The following KATNIP variants were observed in gnomAD, a reference collection of about 807,000 sequenced individuals.
The protein encoded by KATNIP is katanin-interacting protein.
Under a neutral mutation model 174.0 loss-of-function variants are expected in KATNIP, and 126 were observed. That is an observed-to-expected ratio of 0.72 (90% CI 0.63 to 0.84). The LOEUF is 0.84. KATNIP is among the 40% of genes least tolerant of loss of function. The pLI, the probability that KATNIP is intolerant of heterozygous loss-of-function variation, is 0.00. For missense variants in KATNIP, 1,958 were observed against 2,109.7 expected (o/e 0.93, Z 1.41); for synonymous variants, 810 against 835.7 (o/e 0.97, Z 0.53).
chr16:27,554,095 T>C (rs377663811), intron 1 of KATNIP, among the ~76,000 whole-genome samples: 23 of 152,046 alleles, frequency 1.5e-4, no homozygotes, highest in African/African-American at 3.6e-4. Flanking sequence ...GGAAGGTTTC[T>C]AGTACATTGT....
At chr16:27,693,349 G>T (rs889453110) in intron 8 of KATNIP, among the ~76,000 whole-genome samples, 27 of 152,172 alleles carry the variant, frequency 1.8e-4, no homozygotes, top group Non-Finnish European at 4.4e-5. Flanking sequence ...ATGATGACAA[G>T]AGACAGTACA....
chr16:27,643,590 CAAAAAA>C (rs562253355), intron 5 of KATNIP, among the ~76,000 whole-genome samples: 2 of 40,484 alleles, frequency 4.9e-5, no homozygotes, highest in African/African-American at 1.0e-4. Context: ...GACTCTGTCT[CAAAAAA>C]AAAAAAAAAA....
In KATNIP at chr16:27,609,873, G is replaced by A. The variant is rs182451833; in HGVS notation, c.64-8552G>A. ...TGCCCAGCTAATTTTTGTATTTTTA[G>A]TAGAGATGAGGTTTCACCATGTTGG... On this transcript the variant is annotated intron_variant, in intron 2 of 27. Coordinates refer to ENST00000261588, the MANE Select transcript of KATNIP (RefSeq NM_015202.5). 3.2e-3 allele frequency among the ~76,000 whole-genome samples: 492 copies of A among 152,218 alleles called. 9 individuals carry two copies. The highest frequency in any genetic ancestry group is 0.031 in the Admixed American group (469 of 15,278).
At chr16:27,657,753 T>C (rs2077346085) in intron 6 of KATNIP, among the ~76,000 whole-genome samples, 1 of 151,984 alleles carries the variant, frequency 6.6e-6, no homozygotes, top group African/African-American at 2.4e-5. Flanking sequence ...CTACTAAAAA[T>C]ACAAAAATTA....
At chr16:27,607,913 T>G (rs930673865) in intron 2 of KATNIP, among the ~76,000 whole-genome samples, 1 of 152,164 alleles carries the variant, frequency 6.6e-6, no homozygotes, top group African/African-American at 2.4e-5. Flanking sequence ...AAACAGTGGC[T>G]TCATGGTCTC....
intron 6 of KATNIP, among the ~76,000 whole-genome samples, chr16:27,660,791 G>A (rs566319550): frequency 3.9e-5 from 6 of 152,078 alleles, no homozygotes; most frequent in East Asian, 1.9e-4. Flanking sequence ...ACACACCACC[G>A]CATCCAGCTA....
chr16:27,558,810 ACAGCTCAATGGG>A (rs1286836957), intron 1 of KATNIP, among the ~76,000 whole-genome samples: 2 of 150,658 alleles, frequency 1.3e-5, no homozygotes, highest in African/African-American at 5.0e-5. Context: ...GATTCCTGAG[ACAGCTCAATGGG>A]ATACTGTGAT....
intron 6 of KATNIP, among the ~76,000 whole-genome samples, chr16:27,661,941 TATATATATATATATACACATAC>T (rs2077500530): frequency 1.5e-5 from 1 of 65,932 alleles, no homozygotes; most frequent in Non-Finnish European, 2.7e-5. Flanking sequence ...TATATATATA[TATATATATATATATACACATAC>T]ATATATATAT....
At chr16:27,577,618 GAAA>G (rs1296681267) in intron 2 of KATNIP, among the ~76,000 whole-genome samples, 2 of 152,190 alleles carry the variant, frequency 1.3e-5, no homozygotes, top group Non-Finnish European at 2.9e-5. Flanking sequence ...CTTGAACTCA[GAAA>G]GCGGAGGTTG....
intron 2 of KATNIP, among the ~76,000 whole-genome samples, chr16:27,607,188 G>T (rs1365816594): frequency 1.3e-5 from 2 of 152,162 alleles, no homozygotes; most frequent in Non-Finnish European, 2.9e-5. Flanking sequence ...CACGTGGACT[G>T]AGAGTGGACG....
At chr16:27,582,751 C>T (rs1487070619) in intron 2 of KATNIP, among the ~76,000 whole-genome samples, 1 of 152,162 alleles carries the variant, frequency 6.6e-6, no homozygotes, top group Non-Finnish European at 1.5e-5. Context: ...TTTCACAGGA[C>T]TGTGGCAAGG....
chr16:27,554,467 G>GA (rs2089526123), intron 1 of KATNIP, among the ~76,000 whole-genome samples: 1 of 151,668 alleles, frequency 6.6e-6, no homozygotes, highest in Admixed American at 6.6e-5. Context: ...TGTCTCAAAA[G>GA]AAAAAAAATT....
chr16:27,573,086 A>AT (rs2090366653), intron 1 of KATNIP, among the ~76,000 whole-genome samples: 1 of 152,120 alleles, frequency 6.6e-6, no homozygotes, highest in African/African-American at 2.4e-5. Context: ...GTCACTAAGC[A>AT]TTTTTTGCTT....
rs1452027108 is a variant in KATNIP, at chr16:27,779,735, TATATGC to T, written c.*1109_*1114del. The T allele has an allele frequency of 1.3e-5, 2 of 151,862 alleles. No individual in the cohort carries two copies. Among genetic ancestry groups the T allele is most frequent in the Non-Finnish European group, 2.9e-5 (2 of 68,020 alleles). The allele number at this position is 151,862 out of a possible 1,614,324, so 9.4% of individuals were successfully genotyped here. A position where few individuals can be genotyped will look rare whatever the true frequency, so the allele number is the denominator to read the frequency against. ...AGCCGAGTGAAGCCCAGAACGCATC[TATATGC>T]ATCGATGTAACAAGCTCGGATCAGG... On this transcript the variant is annotated 3_prime_UTR_variant, in exon 28 of 28. Transcript: ENST00000261588.
rs767268935 is a variant in KATNIP, at chr16:27,648,608, CTG to C, written c.416_417del (p.Val139AlafsTer20). On this transcript the variant is annotated frameshift_variant, in exon 6 of 28. Transcript: ENST00000261588. LOFTEE classifies it high-confidence loss of function. The stretch of plus-strand genomic sequence containing the variant: ...ATGGCCTGCATTTTTGTACAGAAAT[CTG>C]TGCAGATCAGAACAGAAGCTGGCCC... 4.3e-6 allele frequency: 7 copies of C among 1,613,958 alleles called. No homozygotes were observed. Among genetic ancestry groups the C allele is most frequent in the African/African-American group, 2.7e-5 (2 of 74,926 alleles).
chr16:27,619,196 C>G (rs2076127147), intron 3 of KATNIP, among the ~76,000 whole-genome samples: 1 of 152,128 alleles, frequency 6.6e-6, no homozygotes, highest in Admixed American at 6.6e-5. Flanking sequence ...GGAGCTGGCT[C>G]AGTGGAACAG....
chr16:27,649,181 T>C (rs535756238), intron 6 of KATNIP, among the ~76,000 whole-genome samples: 2 of 152,364 alleles, frequency 1.3e-5, no homozygotes, highest in East Asian at 3.9e-4. Flanking sequence ...CGTGTATACA[T>C]GCACCTGATA....
chr16:27,656,553 C>T lies in KATNIP; in HGVS notation c.540+7818C>T, dbSNP rs1218478323. ...TGGAACCAACCCAAATGTCCAACAA[C>T]GATAGACTGGATTAAGAAAATGTGG... On this transcript the variant is annotated intron_variant, in intron 6 of 27. Coordinates refer to ENST00000261588, the MANE Select transcript of KATNIP (RefSeq NM_015202.5). 4.7e-5 allele frequency among the ~76,000 whole-genome samples: 7 copies of T among 150,198 alleles called. No individual in the cohort carries two copies. In the South Asian group the frequency reaches 6.3e-4, roughly 14 times the overall value.
Position 27,703,983 on chromosome 16 carries a change from A to T in KATNIP, c.1374A>T (p.Gln458His). ...GGGTGGTTTCACCAACCAAGGAGCA[A>T]GTATCAGACACAGAGGTGAGAGCCT... The part of the protein sequence containing the change: ...LGRVVSPTKE[Q>H]VSDTEDKQRM... The change falls in exon 12 of 28, where the codon CAA becomes CAT. Residue 458 changes from glutamine to histidine, a missense_variant. Gln to His is a conservative substitution (Grantham distance 24, BLOSUM62 0). Coordinates refer to ENST00000261588, the MANE Select transcript of KATNIP (RefSeq NM_015202.5). The T allele has an allele frequency of 6.2e-7, 1 of 1,614,034 alleles. No homozygotes were observed. The highest frequency in any genetic ancestry group is 8.5e-7 in the Non-Finnish European group (1 of 1,179,864).
Sources: gnomAD v4.1 joint callset for allele counts (sites outside exome capture counted in the v4.1 genomes callset) on GRCh38, gnomAD v4.1.1 for gene constraint, MANE v1.5 for transcripts, NCBI Gene and HGNC (gene_info 2026-07-23, HGNC 2026-07-21) for gene names.